Variants in NRXN2 observed in about 807,000 individuals in gnomAD.
The protein encoded by NRXN2 is neurexin 2.
A neutral mutation model predicts 128.8 loss-of-function variants in NRXN2; 29 were observed. The ratio of observed to expected loss-of-function variants is 0.23; its 90% CI spans 0.17 to 0.31. The LOEUF is 0.31. Among genes scored for constraint, NRXN2 ranks in the 10% least tolerant of loss-of-function variants. The pLI is 1.00. For synonymous variants in NRXN2, 1,098 were observed against 1,075.2 expected (o/e 1.02, Z -0.41); for missense variants, 1,881 against 2,452.6 (o/e 0.77, Z 4.92).
Position 64,623,402 on chromosome 11 carries a change from TC to T in NRXN2, c.3848-325del. On this transcript the variant is annotated intron_variant, in intron 20 of 22. Transcript: ENST00000265459. This position sits in a 1 kb window ranked among gnomAD's most constrained non-coding sequence, Gnocchi z 4.9. ...TTCCCCATTCCCTCTCCTCTCCAGC[TC>T]CAAGGTCATCTCCCCTCTTCATCCT... The T allele has an allele frequency of 2.4e-6, 1 of 419,542 alleles. No homozygotes were observed. Among genetic ancestry groups the T allele is most frequent in the Non-Finnish European group, 4.4e-6 (1 of 227,184 alleles). The allele number at this position is 419,542 out of a possible 1,614,324, so 26.0% of individuals were successfully genotyped here.
Position 64,652,166 on chromosome 11 carries a change from AG to A in NRXN2, c.2417-13del, listed in dbSNP as rs1355932094. 1.9e-6 allele frequency: 3 copies of A among 1,609,808 alleles called. No individual in the cohort carries two copies. The highest frequency in any genetic ancestry group is 1.7e-5 in the Admixed American group (1 of 59,748). On this transcript the variant is annotated splice_polypyrimidine_tract_variant and intron_variant, in intron 12 of 22. Coordinates refer to ENST00000265459, the MANE Select transcript of NRXN2 (RefSeq NM_015080.4). The stretch of plus-strand genomic sequence containing the variant: ...TTCGGGGCCTTTACCTGCGGCACCA[AG>A]GGGGGAATGAGGAGGGCACCTATAC...
At chr11:64,696,532 C>A (rs1448855544) in intron 3 of NRXN2, among the ~76,000 whole-genome samples, 1 of 131,976 alleles carries the variant, frequency 7.6e-6, no homozygotes, top group Non-Finnish European at 1.5e-5. Flanking sequence ...CATACATACA[C>A]ACACACACAC....
intron 9 of NRXN2, among the ~76,000 whole-genome samples, chr11:64,665,172 T>C (rs1255126340): frequency 6.7e-6 from 1 of 150,048 alleles, no homozygotes; most frequent in Non-Finnish European, 1.5e-5. Flanking sequence ...TCCCAGCTAC[T>C]CGGGAGGCTG....
chr11:64,615,848 G>GCA (rs2041402349), intron 22 of NRXN2, among the ~76,000 whole-genome samples: 1 of 105,114 alleles, frequency 9.5e-6, no homozygotes, highest in South Asian at 3.6e-4. Context: ...GTGTGTGTGT[G>GCA]TGTGTGTGTG....
intron 1 of NRXN2, among the ~76,000 whole-genome samples, chr11:64,721,839 G>A (rs1387636841): frequency 6.6e-6 from 1 of 151,928 alleles, no homozygotes; most frequent in African/African-American, 2.4e-5. Flanking sequence ...GGCAGCCAAG[G>A]GACTGGGGAC....
chr11:64,653,511 C>T (rs1020828654), intron 12 of NRXN2, among the ~76,000 whole-genome samples, 185 bp downstream of exon 12: 15 of 152,056 alleles, frequency 9.9e-5, no homozygotes, highest in Admixed American at 9.8e-4. Flanking sequence ...TTCATTTGGT[C>T]CCTCCTGCCT....
At chr11:64,642,377 G>C (rs2045822600) in intron 17 of NRXN2, among the ~76,000 whole-genome samples, 1 of 151,918 alleles carries the variant, frequency 6.6e-6, no homozygotes, top group Non-Finnish European at 1.5e-5. Flanking sequence ...TGAGATGATG[G>C]GAGCTGGAGA....
At chr11:64,641,495 A>C (rs1371379197) in intron 17 of NRXN2, among the ~76,000 whole-genome samples, 1 of 151,838 alleles carries the variant, frequency 6.6e-6, no homozygotes, top group East Asian at 1.9e-4. Flanking sequence ...CAGATGTAGA[A>C]GGTAATGGGG....
intron 2 of NRXN2, among the ~76,000 whole-genome samples, chr11:64,699,891 G>A (rs2055094069): frequency 1.3e-5 from 2 of 152,118 alleles, no homozygotes; most frequent in Non-Finnish European, 2.9e-5. Context: ...GTGCAAATAA[G>A]GAGGCATGGT....
At chr11:64,618,439 GC>G (rs1191675014) in intron 22 of NRXN2, among the ~76,000 whole-genome samples, 3 of 152,220 alleles carry the variant, frequency 2.0e-5, no homozygotes, top group Non-Finnish European at 4.4e-5. Context: ...GCCACTCAGT[GC>G]CCTTTCTTCA....
chr11:64,678,773 T>C (rs76861593), intron 6 of NRXN2, among the ~76,000 whole-genome samples: 3,450 of 151,742 alleles, frequency 0.023, 121 homozygotes, highest in African/African-American at 0.076. Flanking sequence ...GCCTGTTAAA[T>C]ACTAAACTGC....
chr11:64,652,898 C>T (rs531981835), intron 12 of NRXN2, among the ~76,000 whole-genome samples: 1 of 152,240 alleles, frequency 6.6e-6, no homozygotes, highest in South Asian at 2.1e-4. Flanking sequence ...TGCTGCTGGA[C>T]TTTGCAGCAC....
intron 6 of NRXN2, among the ~76,000 whole-genome samples, chr11:64,679,624 G>C (rs928414297): frequency 6.6e-6 from 1 of 151,694 alleles, no homozygotes; most frequent in African/African-American, 2.4e-5. Context: ...GTGACAGAGC[G>C]AGACTCTGTC....
chr11:64,696,861 C>T, intron 3 of NRXN2, among the ~76,000 whole-genome samples: 1 of 152,288 alleles, frequency 6.6e-6, no homozygotes, highest in East Asian at 1.9e-4. Flanking sequence ...TTCAACACAG[C>T]CTTCAAGCCA....
Position 64,713,212 on chromosome 11 carries a change from G to A in NRXN2, c.488C>T (p.Ala163Val). 17 of 1,468,050 alleles carry A rather than the reference G, an allele frequency of 1.2e-5. No homozygotes were observed. The highest frequency in any genetic ancestry group is 1.5e-5 in the Non-Finnish European group (17 of 1,113,846). The allele number at this position is 1,468,050 out of a possible 1,614,324, so 90.9% of individuals were successfully genotyped here. ...GGIPPDVRLSALTLSTVKYEP... is the reference protein window; with the variant it reads ...GGIPPDVRLSVLTLSTVKYEP... ...GTACTTGACGGTGCTCAGCGTAAGC[G>A]CCGAGAGGCGCACGTCGGGCGGGAT... The change falls in exon 2 of 23, where the codon GCG (alanine) becomes GTG (valine). Residue 163 changes from alanine (A) to valine (V), a missense_variant. Physicochemically the swap from Ala to Val is moderately conservative, Grantham distance 64 (BLOSUM62 0). Transcript: ENST00000265459.
intron 7 of NRXN2, among the ~76,000 whole-genome samples, chr11:64,670,424 GA>G (rs1214648048): frequency 6.6e-6 from 1 of 152,176 alleles, no homozygotes; most frequent in African/African-American, 2.4e-5. Flanking sequence ...AAGGGCTGGA[GA>G]AAGGGAAGAA....
At chr11:64,669,322 G>C (rs1487361323) in intron 7 of NRXN2, among the ~76,000 whole-genome samples, 1 of 152,142 alleles carries the variant, frequency 6.6e-6, no homozygotes, top group East Asian at 1.9e-4. Flanking sequence ...CTTATATTCA[G>C]GTCACTCTCT....
intron 2 of NRXN2, among the ~76,000 whole-genome samples, chr11:64,706,073 T>C: frequency 1.2e-5 from 1 of 81,488 alleles, no homozygotes; most frequent in African/African-American, 5.2e-5. Flanking sequence ...TTTATATATA[T>C]ATATAATATA....
At chr11:64,655,814 A>G (rs983001483) in intron 11 of NRXN2, among the ~76,000 whole-genome samples, 5 of 152,170 alleles carry the variant, frequency 3.3e-5, no homozygotes, top group Admixed American at 2.0e-4. Flanking sequence ...AAAGCCAGAG[A>G]CTGAGAGTGA....
Sources: gnomAD v4.1 joint callset for allele counts (sites outside exome capture counted in the v4.1 genomes callset) on GRCh38, gnomAD v4.1.1 for gene constraint, Gnocchi (gnomAD v3.1) non-coding constraint, MANE v1.5 for transcripts, NCBI Gene and HGNC (gene_info 2026-07-23, HGNC 2026-07-21) for gene names.